Variants in NPAS3 observed in about 807,000 individuals in gnomAD.
The protein encoded by NPAS3 is neuronal PAS domain-containing protein 3.
In NPAS3, 14 loss-of-function variants were observed where a neutral mutation model predicts 73.1. The observed-to-expected ratio is 0.19, with a 90% CI of 0.13 to 0.30. The LOEUF (loss-of-function observed/expected upper bound fraction) is 0.30. Among genes scored for constraint, NPAS3 ranks in the 10% least tolerant of loss-of-function variants. The pLI is 1.00. For missense variants in NPAS3, 1,096 were observed against 1,250.0 expected, an observed-to-expected ratio of 0.88 and a Z score of 1.86; for synonymous variants, 620 against 541.5, an observed-to-expected ratio of 1.14 and a Z score of -2.01.
intron 5 of NPAS3, among the ~76,000 whole-genome samples, chr14:33,561,587 C>T (rs751821117): frequency 3.3e-5 from 5 of 152,172 alleles, no homozygotes; most frequent in Non-Finnish European, 7.4e-5. Context: ...CTTTAACAGA[C>T]TTTAAGCCTT....
At chr14:33,293,720 T>C (rs922797017) in intron 3 of NPAS3, among the ~76,000 whole-genome samples, 1 of 152,134 alleles carries the variant, frequency 6.6e-6, no homozygotes, top group Non-Finnish European at 1.5e-5. Context: ...AAAAGAGATA[T>C]ACAAAATTCC....
chr14:33,384,655 G>A (rs1315155), intron 4 of NPAS3, among the ~76,000 whole-genome samples: 42,122 of 152,078 alleles, frequency 0.28, 6,633 homozygotes, highest in African/African-American at 0.42. Context: ...CTTGAACCCG[G>A]GGAGGTGGAG....
chr14:33,756,018 C>A (rs1031594447), intron 7 of NPAS3, among the ~76,000 whole-genome samples: 3 of 152,172 alleles, frequency 2.0e-5, no homozygotes, highest in Non-Finnish European at 2.9e-5. Flanking sequence ...CCCCATGACC[C>A]AAACACCTCC....
intron 7 of NPAS3, among the ~76,000 whole-genome samples, chr14:33,740,833 T>C (rs769411416): frequency 3.5e-4 from 53 of 152,294 alleles, no homozygotes; most frequent in Non-Finnish European, 2.6e-4. Flanking sequence ...TCGATAATTT[T>C]TTTTTCTGAA....
chr14:33,181,552 T>C (rs1017548882), intron 2 of NPAS3, among the ~76,000 whole-genome samples: 3 of 152,174 alleles, frequency 2.0e-5, no homozygotes. Flanking sequence ...CTGGAAGAAA[T>C]TGTTAATGTA....
chr14:33,282,447 A>G (rs1566755426), intron 3 of NPAS3, among the ~76,000 whole-genome samples: 1 of 152,208 alleles, frequency 6.6e-6, no homozygotes, highest in African/African-American at 2.4e-5. Flanking sequence ...TTGGAATTGC[A>G]TGGTGAAATT....
At chr14:33,694,436 G>A (rs770927931) in intron 6 of NPAS3, among the ~76,000 whole-genome samples, 1 of 152,110 alleles carries the variant, frequency 6.6e-6, no homozygotes, top group Non-Finnish European at 1.5e-5. Context: ...CCTTAGGAAG[G>A]AACCTGCGTA....
intron 1 of NPAS3, among the ~76,000 whole-genome samples, chr14:33,001,129 G>A (rs996294901): frequency 3.3e-5 from 5 of 152,124 alleles, no homozygotes; most frequent in African/African-American, 9.7e-5. Flanking sequence ...TCCATTCTAC[G>A]CAGTTATTCA....
chr14:33,226,235 T>C lies in NPAS3; in HGVS notation c.385+10809T>C, dbSNP rs575498050. Among the ~76,000 whole-genome samples the C allele has an allele frequency of 5.3e-5, 8 of 152,326 alleles. No individual in the cohort carries two copies. In the South Asian group the frequency reaches 1.4e-3, roughly 28 times the overall value. ...TGCATGATCTTAATGAAGAGAAGCA[T>C]GATGAAAACATTGTCTACACAGGAC... On this transcript the variant is annotated intron_variant, in intron 3 of 11. Coordinates refer to ENST00000356141, the Ensembl canonical transcript of NPAS3.
chr14:33,018,377 G>A (rs1189721772), intron 1 of NPAS3, among the ~76,000 whole-genome samples: 2 of 152,202 alleles, frequency 1.3e-5, no homozygotes, highest in African/African-American at 2.4e-5. Flanking sequence ...ACCATTTAAA[G>A]TGGGATGGTC....
At chr14:33,652,564 C>T (rs542006112) in intron 5 of NPAS3, among the ~76,000 whole-genome samples, 8 of 152,184 alleles carry the variant, frequency 5.3e-5, no homozygotes, top group Admixed American at 6.5e-5. Flanking sequence ...AGGGGACCGC[C>T]GGCAACTTCT....
intron 3 of NPAS3, among the ~76,000 whole-genome samples, chr14:33,349,209 T>C (rs1240204087): frequency 1.3e-5 from 2 of 152,216 alleles, no homozygotes; most frequent in Non-Finnish European, 2.9e-5. Context: ...TTGGTAGGAA[T>C]TTTATTGTCA....
rs142458607 is a variant in NPAS3, at chr14:33,402,040, T to C, written c.468+34772T>C. Among the ~76,000 whole-genome samples, 274 of 152,242 alleles carry C rather than the reference T, an allele frequency of 1.8e-3. 1 individual carries two copies. Among genetic ancestry groups the C allele is most frequent in the African/African-American group, 6.0e-3 (250 of 41,568 alleles). ...CAAGGCATGTCCCTACAAATAGATA[T>C]TCATGTTGAAAATCCATGGCCATTT... On this transcript the variant is annotated intron_variant, in intron 4 of 11. Transcript: ENST00000356141.
At chr14:33,465,436 A>G (rs1004911283) in intron 4 of NPAS3, among the ~76,000 whole-genome samples, 2 of 152,228 alleles carry the variant, frequency 1.3e-5, no homozygotes, top group Non-Finnish European at 2.9e-5. Flanking sequence ...GCATACAGGT[A>G]ACAAAAAAAC....
chr14:33,413,840 T>C (rs979986900), intron 4 of NPAS3, among the ~76,000 whole-genome samples: 3 of 152,200 alleles, frequency 2.0e-5, no homozygotes, highest in Non-Finnish European at 4.4e-5. Flanking sequence ...ATCTGGGATC[T>C]TTAGGATTTT....
chr14:33,624,483 G>T (rs1455158059), intron 5 of NPAS3, among the ~76,000 whole-genome samples: 1 of 151,670 alleles, frequency 6.6e-6, no homozygotes, highest in African/African-American at 2.4e-5. Context: ...TATAACTTTT[G>T]TGAGATTCTC....
At chr14:33,239,802 A>G (rs1476184290) in intron 3 of NPAS3, among the ~76,000 whole-genome samples, 1 of 151,912 alleles carries the variant, frequency 6.6e-6, no homozygotes, top group Non-Finnish European at 1.5e-5. Context: ...ATGGAGACCT[A>G]TTGCCTAGAA....
At chr14:33,451,834 A>T (rs1173761082) in intron 4 of NPAS3, among the ~76,000 whole-genome samples, 1 of 152,176 alleles carries the variant, frequency 6.6e-6, no homozygotes, top group East Asian at 1.9e-4. Context: ...CTATAGCAAG[A>T]TTCTTAAACT....
At chr14:33,372,854 C>G (rs2140442538) in intron 4 of NPAS3, among the ~76,000 whole-genome samples, 1 of 152,238 alleles carries the variant, frequency 6.6e-6, no homozygotes, top group East Asian at 1.9e-4. Context: ...AATCCGAGAA[C>G]TTGAGGAGAT....
Sources: allele counts gnomAD v4.1 joint callset (sites outside exome capture counted in the v4.1 genomes callset), GRCh38; gene constraint gnomAD v4.1.1; transcripts MANE v1.5; gene names NCBI Gene and HGNC (gene_info 2026-07-23, HGNC 2026-07-21).